Variants in NDRG4 observed in about 807,000 individuals in gnomAD.
NDRG4 encodes NDRG family member 4.
NDRG4 carries 38 observed loss-of-function variants against 55.8 expected under a neutral mutation model. That is an observed-to-expected ratio of 0.68 (90% CI 0.53 to 0.89). The LOEUF (loss-of-function observed/expected upper bound fraction) is 0.89, where lower values mean the gene tolerates loss of function less well. NDRG4 is among the 40% of genes least tolerant of loss of function. The probability of loss-of-function intolerance (pLI) is 0.00; values close to 1 mark genes in which losing one functional copy is unlikely to be tolerated. For missense variants in NDRG4, 455 were observed against 468.6 expected, an observed-to-expected ratio of 0.97 and a Z score of 0.27; for synonymous variants, 190 against 182.7, an observed-to-expected ratio of 1.04 and a Z score of -0.32.
chr16:58,492,797 C>T (rs2035958402), intron 2 of NDRG4, among the ~76,000 whole-genome samples: 1 of 152,232 alleles, frequency 6.6e-6, no homozygotes, highest in African/African-American at 2.4e-5. Flanking sequence ...GTATAGACAT[C>T]TCCCCTTCCT....
At chr16:58,465,509 A>G (rs2031433718) in intron 1 of NDRG4, among the ~76,000 whole-genome samples, 1 of 112,948 alleles carries the variant, frequency 8.9e-6, no homozygotes, top group Non-Finnish European at 1.7e-5. Flanking sequence ...GTTCGGGGAG[A>G]GGTATGGAGG....
Position 58,506,294 on chromosome 16 carries a change from G to A in NDRG4, c.373-93G>A, listed in dbSNP as rs1000275070. 6 of 1,255,938 alleles carry A rather than the reference G, an allele frequency of 4.8e-6. No individual in the cohort carries two copies. In the Admixed American group the frequency reaches 5.0e-5, roughly 11 times the overall value. 77.8% of individuals were successfully genotyped at this position (1,255,938 alleles called of 1,614,324 possible). A position where few individuals can be genotyped will look rare whatever the true frequency, so the allele number is the denominator to read the frequency against. ...GCACAGACCCGGCTGTAGCCGGGTG[G>A]CTGATCAGCAGCACCTTGAAGACTT... On this transcript the variant is annotated intron_variant, in intron 5 of 14. Transcript: ENST00000570248.
chr16:58,497,672 G>A (rs1277177433), upstream of NDRG4, among the ~76,000 whole-genome samples: 1 of 152,210 alleles, frequency 6.6e-6, no homozygotes, highest in African/African-American at 2.4e-5. Flanking sequence ...CAGCAAAGAA[G>A]TGGCAGAGCT....
At chr16:58,486,851 G>A (rs1203115001) in intron 1 of NDRG4, among the ~76,000 whole-genome samples, 2 of 152,082 alleles carry the variant, frequency 1.3e-5, no homozygotes, top group Non-Finnish European at 2.9e-5. Flanking sequence ...AGCAGCCCCT[G>A]TGTATCACCC....
intron 1 of NDRG4, among the ~76,000 whole-genome samples, chr16:58,479,496 C>T (rs2034135552): frequency 6.6e-6 from 1 of 152,182 alleles, no homozygotes; most frequent in Non-Finnish European, 1.5e-5. Context: ...GCAGAACTGA[C>T]AGATATTTGC....
chr16:58,508,890 C>T (rs1430164343), intron 10 of NDRG4, 72 bp from the exon 11 acceptor site: 4 of 1,555,642 alleles, frequency 2.6e-6, no homozygotes, highest in African/African-American at 2.7e-5. Flanking sequence ...GAGCTTGGGG[C>T]ATCAAACCTG....
At chr16:58,502,497 C>T (rs1040648332) in intron 1 of NDRG4, among the ~76,000 whole-genome samples, 8 of 152,196 alleles carry the variant, frequency 5.3e-5, no homozygotes, top group Admixed American at 2.0e-4. Context: ...CAGCTTGTCA[C>T]TCCACACTGG....
At chr16:58,469,356 G>A (rs1385757126) in intron 1 of NDRG4, among the ~76,000 whole-genome samples, 1 of 152,068 alleles carries the variant, frequency 6.6e-6, no homozygotes, top group African/African-American at 2.4e-5. Flanking sequence ...AGAGACATGA[G>A]GGTCATTGGG....
chr16:58,464,504 C>T lies in NDRG4; in HGVS notation c.-24+707C>T. The T allele has an allele frequency of 3.1e-6, 4 of 1,304,134 alleles. No homozygotes were observed. Among genetic ancestry groups the T allele is most frequent in the Non-Finnish European group, 3.9e-6 (4 of 1,024,780 alleles). The allele number at this position is 1,304,134 out of a possible 1,614,324, so 80.8% of individuals were successfully genotyped here. A position where few individuals can be genotyped will look rare whatever the true frequency, so the allele number is the denominator to read the frequency against. ...CTGCCCCGCAGCCGGCCGCCACTTT[C>T]CGAGTTGGAGCGGACTCCGGGCGCG... On this transcript the variant is annotated intron_variant, in intron 1 of 15. Transcript: ENST00000258187. This position sits in a 1 kb window ranked among gnomAD's most constrained non-coding sequence, Gnocchi z 4.8.
At chr16:58,473,369 G>A (rs1352489836) in intron 1 of NDRG4, among the ~76,000 whole-genome samples, 1 of 152,048 alleles carries the variant, frequency 6.6e-6, no homozygotes, top group Non-Finnish European at 1.5e-5. Flanking sequence ...TCACTATGTT[G>A]CCCAGGCTGG....
chr16:58,473,851 C>T (rs2033212296), intron 1 of NDRG4, among the ~76,000 whole-genome samples: 1 of 152,040 alleles, frequency 6.6e-6, no homozygotes, highest in African/African-American at 2.4e-5. Flanking sequence ...CACATCAGCC[C>T]CCTGCTCAAA....
intron 14 of NDRG4, 193 bp from the exon 15 acceptor site, chr16:58,511,229 C>G (rs1479687429): frequency 1.6e-6 from 1 of 642,436 alleles, no homozygotes; most frequent in African/African-American, 1.8e-5. Flanking sequence ...GCCGCAGCCC[C>G]CTAGGCCCAC....
At chr16:58,495,820 C>T (rs968891214), upstream of NDRG4, among the ~76,000 whole-genome samples, 3 of 152,130 alleles carry the variant, frequency 2.0e-5, no homozygotes, top group Non-Finnish European at 4.4e-5. Context: ...GTGCTCAGAT[C>T]CTCCGGGAAT....
intron 1 of NDRG4, among the ~76,000 whole-genome samples, chr16:58,485,697 A>G (rs944514380): frequency 6.6e-6 from 1 of 152,112 alleles, no homozygotes; most frequent in Admixed American, 6.5e-5. Context: ...AATACAGCCC[A>G]TCTGCATTGT....
chr16:58,487,608 GCCC>G, intron 1 of NDRG4: 1 of 531,508 alleles, frequency 1.9e-6, no homozygotes, highest in East Asian at 3.3e-5. Flanking sequence ...AGGCCTGGGG[GCCC>G]TAAGTGCCTG....
intron 4 of NDRG4, 63 bp downstream of exon 4, chr16:58,504,484 C>T (rs111263697): frequency 8.1e-6 from 13 of 1,611,358 alleles, no homozygotes; most frequent in African/African-American, 5.3e-5. Context: ...GCAGAGCCAC[C>T]TGGCTCCAGC....
At chr16:58,490,706 T>C (rs2035681640) in intron 2 of NDRG4, among the ~76,000 whole-genome samples, 1 of 152,106 alleles carries the variant, frequency 6.6e-6, no homozygotes, top group Non-Finnish European at 1.5e-5. Context: ...GCCAGACATG[T>C]TGGCTCACGC....
chr16:58,496,325 C>T (rs1461742542), upstream of NDRG4, among the ~76,000 whole-genome samples: 1 of 152,060 alleles, frequency 6.6e-6, no homozygotes, highest in Non-Finnish European at 1.5e-5. Context: ...TGTGGGACCC[C>T]GGTTCTCAGG....
chr16:58,509,112 A>G (rs1432428657), intron 11 of NDRG4, 42 bp from the exon 12 acceptor site: 1 of 1,613,948 alleles, frequency 6.2e-7, no homozygotes, highest in Non-Finnish European at 8.5e-7. Context: ...CTTGTCCTGG[A>G]GTGAGGGCCC....
Sources: gnomAD v4.1 joint callset for allele counts (sites outside exome capture counted in the v4.1 genomes callset) on GRCh38, gnomAD v4.1.1 for gene constraint, Gnocchi (gnomAD v3.1) non-coding constraint, MANE v1.5 for transcripts, NCBI Gene and HGNC (gene_info 2026-07-23, HGNC 2026-07-21) for gene names.